Variants in SPOCK3 observed in about 807,000 individuals in gnomAD.
SPOCK3 encodes the protein SPARC (osteonectin), cwcv and kazal like domains proteoglycan 3.
Under a neutral mutation model 56.6 loss-of-function variants are expected in SPOCK3, and 30 were observed. The ratio of observed to expected loss-of-function variants is 0.53; its 90% CI spans 0.40 to 0.72. The LOEUF is 0.72. Ranked by LOEUF, SPOCK3 falls within the 30% of genes least tolerant of loss-of-function variation. The pLI, the probability that SPOCK3 is intolerant of heterozygous loss-of-function variation, is 0.00. For synonymous variants in SPOCK3, 196 were observed against 183.3 expected, an observed-to-expected ratio of 1.07 and a Z score of -0.56; for missense variants, 527 against 530.0, an observed-to-expected ratio of 0.99 and a Z score of 0.06.
At chr4:166,911,691 C>G (rs189558674) in intron 5 of SPOCK3, among the ~76,000 whole-genome samples, 1 of 152,028 alleles carries the variant, frequency 6.6e-6, no homozygotes, top group Non-Finnish European at 1.5e-5. Flanking sequence ...ATGCCCAACA[C>G]CATGCCTGAT....
chr4:167,216,438 C>G (rs936611481), intron 2 of SPOCK3, among the ~76,000 whole-genome samples: 8 of 151,968 alleles, frequency 5.3e-5, no homozygotes, highest in African/African-American at 1.9e-4. Flanking sequence ...AGCCTGAAAA[C>G]ATGAAGGTTA....
chr4:166,791,809 G>A (rs1046005748), intron 7 of SPOCK3, among the ~76,000 whole-genome samples: 4 of 150,892 alleles, frequency 2.7e-5, no homozygotes, highest in Admixed American at 6.6e-5. Context: ...GCTACCATAC[G>A]GGGGAGTTCT....
At chr4:167,165,004 G>A (rs1174667847) in intron 2 of SPOCK3, among the ~76,000 whole-genome samples, 1 of 152,130 alleles carries the variant, frequency 6.6e-6, no homozygotes, top group Admixed American at 6.6e-5. Context: ...AGATCAGTGA[G>A]GAGTCTTCAC....
At chr4:167,059,107 T>C (rs1351561874) in intron 3 of SPOCK3, among the ~76,000 whole-genome samples, 2 of 151,850 alleles carry the variant, frequency 1.3e-5, no homozygotes, top group East Asian at 1.9e-4. Flanking sequence ...ACTTCATGTC[T>C]AAAACACCAA....
At chr4:166,875,045 G>A (rs1308814615) in intron 6 of SPOCK3, among the ~76,000 whole-genome samples, 2 of 151,982 alleles carry the variant, frequency 1.3e-5, no homozygotes, top group South Asian at 2.1e-4. Context: ...TCTCATAGAG[G>A]AGTGAGTGAT....
chr4:167,146,422 G>A (rs371244093), intron 2 of SPOCK3, among the ~76,000 whole-genome samples: 1 of 151,956 alleles, frequency 6.6e-6, no homozygotes, highest in Non-Finnish European at 1.5e-5. Context: ...AATTAACAAG[G>A]ATATCCAGGA....
intron 2 of SPOCK3, among the ~76,000 whole-genome samples, chr4:167,069,071 A>G (rs1756422599): frequency 6.6e-6 from 1 of 151,932 alleles, no homozygotes; most frequent in South Asian, 2.1e-4. Context: ...ATGATCTCCA[A>G]AGATGGCCTT....
chr4:166,873,615 C>A (rs1373582371), intron 6 of SPOCK3, among the ~76,000 whole-genome samples: 1 of 152,124 alleles, frequency 6.6e-6, no homozygotes, highest in Non-Finnish European at 1.5e-5. Flanking sequence ...ATTTCAAATA[C>A]TTATAGGAGA....
At chr4:167,037,850 TTAGA>T (rs1442675819) in intron 3 of SPOCK3, among the ~76,000 whole-genome samples, 5 of 152,244 alleles carry the variant, frequency 3.3e-5, no homozygotes, top group African/African-American at 9.6e-5. Flanking sequence ...GCACATCTAA[TTAGA>T]TAAAGTACAT....
intron 5 of SPOCK3, among the ~76,000 whole-genome samples, chr4:166,901,425 T>C (rs932841907): frequency 6.6e-6 from 1 of 152,152 alleles, no homozygotes; most frequent in Non-Finnish European, 1.5e-5. Flanking sequence ...CATTTATAGA[T>C]ACCTTGCAGG....
intron 4 of SPOCK3, among the ~76,000 whole-genome samples, chr4:166,939,404 A>T (rs1392384051): frequency 2.0e-5 from 3 of 152,210 alleles, no homozygotes; most frequent in Non-Finnish European, 2.9e-5. Context: ...AATAATAAGA[A>T]CAAAGCAATA....
At chr4:167,208,941 C>T (rs1244480790) in intron 2 of SPOCK3, among the ~76,000 whole-genome samples, 1 of 152,092 alleles carries the variant, frequency 6.6e-6, no homozygotes, top group African/African-American at 2.4e-5. Context: ...ATTACATATG[C>T]TAGTTAACTA....
chr4:167,128,424 T>C (rs1050061465), intron 2 of SPOCK3, among the ~76,000 whole-genome samples: 1 of 152,216 alleles, frequency 6.6e-6, no homozygotes, highest in Non-Finnish European at 1.5e-5. Flanking sequence ...CACCATTTAT[T>C]ACTTTGTGCA....
chr4:167,208,992 CTTTT>C (rs1389540348), intron 2 of SPOCK3, among the ~76,000 whole-genome samples: 2 of 152,044 alleles, frequency 1.3e-5, no homozygotes, highest in African/African-American at 2.4e-5. Flanking sequence ...AGTGAAATAT[CTTTT>C]TTGTCATTTT....
At chr4:167,148,089 T>TG (rs1764123504) in intron 2 of SPOCK3, among the ~76,000 whole-genome samples, 1 of 152,174 alleles carries the variant, frequency 6.6e-6, no homozygotes, top group South Asian at 2.1e-4. Flanking sequence ...ACTGCAATGA[T>TG]GGAGATATGG....
chr4:167,152,048 T>C (rs1444141595), intron 2 of SPOCK3, among the ~76,000 whole-genome samples: 5 of 152,176 alleles, frequency 3.3e-5, no homozygotes, highest in Non-Finnish European at 7.3e-5. Context: ...TTAAAATATG[T>C]AATGAAGCCC....
intron 2 of SPOCK3, among the ~76,000 whole-genome samples, chr4:167,088,748 C>G (rs533375846): frequency 6.6e-6 from 1 of 152,180 alleles, no homozygotes; most frequent in African/African-American, 2.4e-5. Flanking sequence ...CAGGCGTGAG[C>G]CACCATGCCT....
At chr4:167,082,756 A>AAGGG (rs564178292) in intron 2 of SPOCK3, among the ~76,000 whole-genome samples, 278 of 112,298 alleles carry the variant, frequency 2.5e-3, no homozygotes, top group African/African-American at 8.2e-3. Flanking sequence ...GGAAGGAAGG[A>AAGGG]AGGGAGGGAG....
At chr4:166,961,982 G>C (rs1744193940) in intron 4 of SPOCK3, among the ~76,000 whole-genome samples, 1 of 152,006 alleles carries the variant, frequency 6.6e-6, no homozygotes, top group South Asian at 2.1e-4. Flanking sequence ...ATTAGTCCTT[G>C]TCTTTTCTAG....
Sources: allele counts gnomAD v4.1 joint callset (sites outside exome capture counted in the v4.1 genomes callset), GRCh38; gene constraint gnomAD v4.1.1; transcripts MANE v1.5; gene names NCBI Gene and HGNC (gene_info 2026-07-23, HGNC 2026-07-21).